Variants in ADAMTS14 observed in about 807,000 individuals in gnomAD.
ADAMTS14 encodes the protein ADAM metallopeptidase with thrombospondin type 1 motif 14, also known as A disintegrin and metalloproteinase with thrombospondin motifs 14.
Under a neutral mutation model 128.6 loss-of-function variants are expected in ADAMTS14, and 100 were observed. The observed-to-expected ratio is 0.78, with a 90% CI of 0.66 to 0.92. The LOEUF (loss-of-function observed/expected upper bound fraction) is 0.92, where lower values mean the gene tolerates loss of function less well. ADAMTS14 is among the 40% of genes least tolerant of loss of function. The probability of loss-of-function intolerance (pLI) is 0.00; values close to 1 mark genes in which losing one functional copy is unlikely to be tolerated. For synonymous variants in ADAMTS14, 665 were observed against 653.8 expected, an observed-to-expected ratio of 1.02 and a Z score of -0.26; for missense variants, 1,562 against 1,658.6, an observed-to-expected ratio of 0.94 and a Z score of 1.01.
At chr10:70,742,365 C>A (rs1842027903) in intron 12 of ADAMTS14, among the ~76,000 whole-genome samples, 1 of 150,902 alleles carries the variant, frequency 6.6e-6, no homozygotes, top group Non-Finnish European at 1.5e-5. Flanking sequence ...TCCGTTGCTG[C>A]CTAGAGAGCT....
intron 15 of ADAMTS14, 64 bp downstream of exon 15, chr10:70,745,370 G>A: frequency 1.3e-6 from 2 of 1,550,672 alleles, no homozygotes; most frequent in Non-Finnish European, 8.9e-7. Flanking sequence ...ACTTGGGGGA[G>A]CTGGGAGACC....
intron 19 of ADAMTS14, 52 bp downstream of exon 19, chr10:70,754,059 G>A (rs1842423699): frequency 3.4e-6 from 5 of 1,449,402 alleles, no homozygotes; most frequent in African/African-American, 1.4e-5. Flanking sequence ...TGGGTCTGAG[G>A]GATTTTTTTG....
At chr10:70,685,669 G>C (rs138168304) in intron 2 of ADAMTS14, among the ~76,000 whole-genome samples, 6 of 152,316 alleles carry the variant, frequency 3.9e-5, no homozygotes, top group African/African-American at 7.2e-5. Context: ...TGTTCCTCTC[G>C]CAGTTCCAGG....
At chr10:70,748,161 GT>G (rs1419935788) in intron 15 of ADAMTS14, among the ~76,000 whole-genome samples, 1 of 152,228 alleles carries the variant, frequency 6.6e-6, no homozygotes, top group Non-Finnish European at 1.5e-5. Context: ...CCGCTTTGCA[GT>G]TAAAGGAAAC....
At position 70,743,533 on chromosome 10, in the gene ADAMTS14, T is replaced by A; in HGVS notation, c.1925-15T>A. The A allele has an allele frequency of 6.2e-7, 1 of 1,610,708 alleles. No individual in the cohort carries two copies. Among genetic ancestry groups the A allele is most frequent in the Non-Finnish European group, 8.5e-7 (1 of 1,178,968 alleles). On this transcript the variant is annotated splice_polypyrimidine_tract_variant and intron_variant, in intron 12 of 21. Transcript: ENST00000373207. ...GAGCCCAGCTGGGGACTCAGCATAG[T>A]CCCTCTCCCTACAGACGCCCAGAAG...
chr10:70,716,556 G>A (rs1477879635), intron 4 of ADAMTS14, among the ~76,000 whole-genome samples: 5 of 152,214 alleles, frequency 3.3e-5, no homozygotes, highest in Non-Finnish European at 7.3e-5. Context: ...AGCTCATCCT[G>A]TCCATTGTGT....
intron 2 of ADAMTS14, among the ~76,000 whole-genome samples, chr10:70,688,201 G>A (rs1461274220): frequency 6.1e-4 from 27 of 44,130 alleles, no homozygotes; most frequent in Non-Finnish European, 7.1e-4. Context: ...GGTCTCGGCC[G>A]GGCAGAGGCG....
chr10:70,755,181 C>T (rs571397272), intron 19 of ADAMTS14, among the ~76,000 whole-genome samples: 1 of 152,112 alleles, frequency 6.6e-6, no homozygotes, highest in South Asian at 2.1e-4. Context: ...GTGGTGTGTG[C>T]TTGTAATCCC....
At chr10:70,748,771 T>C (rs1287052568) in intron 15 of ADAMTS14, among the ~76,000 whole-genome samples, 3 of 152,208 alleles carry the variant, frequency 2.0e-5, no homozygotes, top group Non-Finnish European at 2.9e-5. Flanking sequence ...GTTATGACCA[T>C]TTAAATCTGT....
chr10:70,713,486 C>G (rs2132626424), intron 4 of ADAMTS14, among the ~76,000 whole-genome samples: 1 of 152,350 alleles, frequency 6.6e-6, no homozygotes, highest in South Asian at 2.1e-4. Context: ...AGGATGAGGG[C>G]TTCAGGCCCA....
At chr10:70,733,066 A>G (rs1841701061) in intron 7 of ADAMTS14, among the ~76,000 whole-genome samples, 1 of 152,152 alleles carries the variant, frequency 6.6e-6, no homozygotes, top group Non-Finnish European at 1.5e-5. Flanking sequence ...GAACCAAGAG[A>G]CACCATCAGC....
At chr10:70,679,874 C>T (rs1343665828) in intron 2 of ADAMTS14, among the ~76,000 whole-genome samples, 1 of 152,134 alleles carries the variant, frequency 6.6e-6, no homozygotes, top group Non-Finnish European at 1.5e-5. Flanking sequence ...CCCAGCTGCT[C>T]ACCACTGAAC....
chr10:70,706,583 C>T (rs1025780287), intron 3 of ADAMTS14, among the ~76,000 whole-genome samples: 2 of 152,208 alleles, frequency 1.3e-5, no homozygotes, highest in African/African-American at 4.8e-5. Context: ...CCAGAAGCTG[C>T]CTGCAGTGTG....
At position 70,673,944 on chromosome 10, in the gene ADAMTS14, T is replaced by C. The variant is rs533005472; in HGVS notation, c.83-612T>C. On this transcript the variant is annotated intron_variant, in intron 1 of 21. Coordinates refer to ENST00000373207, the MANE Select transcript of ADAMTS14 (RefSeq NM_080722.4). ...TTTTGAAGATCTATATTTATCCAGC[T>C]TGGGGCTCGGCCATACAGAGATCTC... 4.1e-4 allele frequency among the ~76,000 whole-genome samples: 63 copies of C among 152,344 alleles called. No individual in the cohort carries two copies. In the South Asian group the frequency reaches 4.1e-3, roughly 10 times the overall value.
In ADAMTS14 at chr10:70,752,191, G is replaced by T; in HGVS notation, c.2693G>T (p.Arg898Leu). The change falls in exon 18 of 22, where the codon CGC becomes CTC. Residue 898 changes from arginine (R) to leucine (L), a missense_variant. By Grantham distance (102) the Arg-to-Leu change is moderately radical. Coordinates refer to ENST00000373207, the MANE Select transcript of ADAMTS14 (RefSeq NM_080722.4). ...CACAAGAAGAGGCCCAAGCCCATCCGCCGGCGCTGCAACCAGCACCCGTGC... is the reference window on the plus strand; with the variant it reads ...CACAAGAAGAGGCCCAAGCCCATCCTCCGGCGCTGCAACCAGCACCCGTGC... ...CDHKKRPKPI[R>L]RRCNQHPCSQ... 6.2e-7 allele frequency: 1 copy of T among 1,613,746 alleles called. No homozygotes were observed. Among genetic ancestry groups the T allele is most frequent in the African/African-American group, 1.3e-5 (1 of 75,062 alleles).
At chr10:70,731,826 G>A (rs1444281170) in intron 6 of ADAMTS14, among the ~76,000 whole-genome samples, 7 of 152,216 alleles carry the variant, frequency 4.6e-5, no homozygotes, top group South Asian at 2.1e-4. Flanking sequence ...GGTGGGTAGC[G>A]GGGTGTTGCA....
rs12762780 is a variant in ADAMTS14, at chr10:70,672,742, C to A, written c.-61C>A. 0.49 allele frequency: 711,842 copies of A among 1,445,964 alleles called. 182,237 individuals are homozygous for A. Among genetic ancestry groups the A allele is most frequent in the Non-Finnish European group, 0.53 (583,866 of 1,104,170 alleles). 89.6% of individuals were successfully genotyped at this position (1,445,964 alleles called of 1,614,324 possible). On this transcript the variant is annotated 5_prime_UTR_variant, in exon 1 of 22. Transcript: ENST00000373207. ...AGCCCGGGGCGCACCCTAGCCTCGC[C>A]GCCCTCAGCCTGGGACTTGGGGATC...
chr10:70,740,349 A>C (rs186928116), intron 11 of ADAMTS14, among the ~76,000 whole-genome samples: 61 of 152,208 alleles, frequency 4.0e-4, no homozygotes, highest in African/African-American at 1.3e-3. Flanking sequence ...TGAAGAAGAG[A>C]GCATAGATGA....
At position 70,691,077 on chromosome 10, in the gene ADAMTS14, G is replaced by A. The variant is rs181800378; in HGVS notation, c.523-11235G>A. 3.8e-3 allele frequency among the ~76,000 whole-genome samples: 554 copies of A among 145,276 alleles called. 36 individuals carry two copies. Among genetic ancestry groups the A allele is most frequent in the African/African-American group, 0.013 (514 of 41,086 alleles). ...GCCCTGAGTCTGGCTGGGCTCCAGA[G>A]TGAGGGGTTTGCAGCAGAAGGCAGT... is the stretch of plus-strand genomic sequence containing the variant. On this transcript the variant is annotated intron_variant, in intron 2 of 21. Transcript: ENST00000373207.
Sources: gnomAD v4.1 joint callset for allele counts (sites outside exome capture counted in the v4.1 genomes callset) on GRCh38, gnomAD v4.1.1 for gene constraint, MANE v1.5 for transcripts, NCBI Gene and HGNC (gene_info 2026-07-23, HGNC 2026-07-21) for gene names.